CFAP61: variants seen among roughly 807,000 people sequenced by gnomAD.
CFAP61 encodes the protein cilia- and flagella-associated protein 61.
A neutral mutation model predicts 135.6 loss-of-function variants in CFAP61; 107 were observed. That is an observed-to-expected ratio of 0.79 (90% CI 0.67 to 0.93). CFAP61 has a LOEUF of 0.93. Ranked by LOEUF, CFAP61 falls within the 40% of genes least tolerant of loss-of-function variation. The pLI is 0.00. For synonymous variants in CFAP61, 575 were observed against 578.5 expected (o/e 0.99, Z 0.09); for missense variants, 1,507 against 1,556.2 (o/e 0.97, Z 0.53).
chr20:20,073,482 A>C (rs1406466667), intron 3 of CFAP61, among the ~76,000 whole-genome samples: 1 of 152,146 alleles, frequency 6.6e-6, no homozygotes, highest in African/African-American at 2.4e-5. Context: ...AAAAACAAGA[A>C]ACCTAGGCAG....
chr20:20,118,192 T>A (rs963457490), intron 8 of CFAP61, among the ~76,000 whole-genome samples: 5 of 152,156 alleles, frequency 3.3e-5, no homozygotes, highest in African/African-American at 1.2e-4. Context: ...GCAACTTTTT[T>A]TCATTTAGTA....
intron 25 of CFAP61, among the ~76,000 whole-genome samples, chr20:20,333,398 G>A (rs1345453943): frequency 3.3e-5 from 5 of 152,196 alleles, no homozygotes; most frequent in African/African-American, 4.8e-5. Context: ...AAGCTGACAA[G>A]TGGCAGAGCT....
chr20:20,344,778 A>G (rs570860942), intron 26 of CFAP61, among the ~76,000 whole-genome samples: 3 of 152,318 alleles, frequency 2.0e-5, no homozygotes, highest in South Asian at 2.1e-4. Flanking sequence ...GGAAATCAGT[A>G]TATCGAAGGG....
At chr20:20,216,662 C>T (rs2048059108) in intron 17 of CFAP61, among the ~76,000 whole-genome samples, 1 of 152,158 alleles carries the variant, frequency 6.6e-6, no homozygotes, top group African/African-American at 2.4e-5. Flanking sequence ...GTAACTACTT[C>T]AGATATTTTG....
Position 20,172,915 on chromosome 20 carries a change from C to A in CFAP61, c.1385+3455C>A, listed in dbSNP as rs1190686668. 3.9e-5 allele frequency among the ~76,000 whole-genome samples: 6 copies of A among 152,222 alleles called. No homozygotes were observed. In the East Asian group the frequency reaches 1.2e-3, roughly 29 times the overall value. The stretch of plus-strand genomic sequence containing the variant: ...TAGCACACAGAATAGTTTTACTCTG[C>A]TGAACATCCTCTGTGCTCTGTCTGT... On this transcript the variant is annotated intron_variant, in intron 13 of 26. Transcript: ENST00000245957.
At chr20:20,230,385 C>T (rs183157450) in intron 18 of CFAP61, among the ~76,000 whole-genome samples, 99 of 152,270 alleles carry the variant, frequency 6.5e-4, no homozygotes, top group African/African-American at 2.0e-3. Flanking sequence ...TAACCTACTG[C>T]GTATTTTACT....
intron 25 of CFAP61, among the ~76,000 whole-genome samples, chr20:20,299,514 C>G (rs2055905341): frequency 6.6e-6 from 1 of 152,180 alleles, no homozygotes; most frequent in Admixed American, 6.5e-5. Flanking sequence ...CCTCATTCAC[C>G]AAAATGGGCA....
intron 17 of CFAP61, chr20:20,214,411 CCCT>C (rs1235200721): frequency 6.6e-6 from 1 of 152,270 alleles, no homozygotes; most frequent in Non-Finnish European, 1.5e-5. Context: ...AATGGTCACC[CCCT>C]CCTCAGTCTG....
At chr20:20,060,683 ATGGCTC>A (rs2044731596) in intron 2 of CFAP61, among the ~76,000 whole-genome samples, 1 of 152,218 alleles carries the variant, frequency 6.6e-6, no homozygotes, top group Admixed American at 6.5e-5. Flanking sequence ...ACAAAGAATC[ATGGCTC>A]GCCTTATGCA....
intron 9 of CFAP61, among the ~76,000 whole-genome samples, chr20:20,144,065 T>C (rs1248051018): frequency 1.3e-5 from 2 of 152,158 alleles, no homozygotes; most frequent in Non-Finnish European, 2.9e-5. Context: ...CAGTCCTGCT[T>C]AACAAATCTT....
At chr20:20,290,507 C>T (rs932461229) in intron 24 of CFAP61, 116 bp downstream of exon 24, 2 of 700,846 alleles carry the variant, frequency 2.9e-6, no homozygotes, top group East Asian at 5.4e-5. Flanking sequence ...CATCAGAAGC[C>T]CACTGGAGTA....
At chr20:20,304,681 CT>C (rs1190768118) in intron 25 of CFAP61, among the ~76,000 whole-genome samples, 28 of 151,978 alleles carry the variant, frequency 1.8e-4, no homozygotes, top group Admixed American at 3.9e-4. Flanking sequence ...ACCTTCTGCC[CT>C]GCTGAAAATG....
At position 20,188,044 on chromosome 20, in the gene CFAP61, T is replaced by C; in HGVS notation, c.1500T>C (p.Ala500=). The C allele has an allele frequency of 6.2e-7, 1 of 1,614,188 alleles. No homozygotes were observed. Among genetic ancestry groups the C allele is most frequent in the Non-Finnish European group, 8.5e-7 (1 of 1,180,020 alleles). The part of the protein sequence containing the change: ...ILEDLDRYNK[A]RKDPDGTLLQ... ...AGGACTTAGACCGTTACAACAAGGC[T>C]CGCAAAGACCCTGTAAGTACCTGTT... Residue 500 remains alanine (A), a synonymous_variant, in exon 14 of 27, where the codon GCT becomes GCC. Transcript: ENST00000245957.
At chr20:20,271,544 G>GCTC (rs2053354850) in intron 21 of CFAP61, among the ~76,000 whole-genome samples, 1 of 152,138 alleles carries the variant, frequency 6.6e-6, no homozygotes, top group South Asian at 2.1e-4. Context: ...ATGACTTCGG[G>GCTC]CTCCTTCTTG....
At chr20:20,271,498 C>G (rs1260626073) in intron 21 of CFAP61, among the ~76,000 whole-genome samples, 1 of 152,218 alleles carries the variant, frequency 6.6e-6, no homozygotes, top group Admixed American at 6.5e-5. Context: ...CTTGCACATT[C>G]TGTTTCAAAG....
At chr20:20,235,916 C>T (rs992758977) in intron 18 of CFAP61, among the ~76,000 whole-genome samples, 1 of 152,152 alleles carries the variant, frequency 6.6e-6, no homozygotes, top group African/African-American at 2.4e-5. Context: ...GCAAAGCCAT[C>T]TATGCAGCAG....
chr20:20,327,936 C>G (rs562390971), intron 25 of CFAP61, among the ~76,000 whole-genome samples: 15 of 152,260 alleles, frequency 9.9e-5, no homozygotes, highest in African/African-American at 3.6e-4. Flanking sequence ...GATGTCAGCA[C>G]TCATCTGCCC....
At chr20:20,128,805 A>G (rs1433183278) in intron 8 of CFAP61, among the ~76,000 whole-genome samples, 1 of 151,712 alleles carries the variant, frequency 6.6e-6, no homozygotes, top group East Asian at 1.9e-4. Flanking sequence ...AGGCCTATGA[A>G]AAACACCTTA....
rs370567248 is a variant in CFAP61, at chr20:20,196,633, C to T, written c.1654C>T (p.Arg552Cys). Residue 552 changes from arginine (R) to cysteine (C), a missense_variant, in exon 16 of 27, where the codon CGC becomes TGC. Transcript: ENST00000245957. The stretch of plus-strand genomic sequence containing the variant: ...TTTCATCTACTTCAGTCACCACCAG[C>T]GCGAAGAACACGGGCACATGCATCA... ...EDFIYFSHHQ[R>C]EEHGHMHHFA... 7.2e-5 allele frequency: 117 copies of T among 1,614,018 alleles called. 1 individual carries two copies. The East Asian group carries it at 8.2e-4, about 11-fold the overall frequency.
Sources: gnomAD v4.1 joint callset for allele counts (sites outside exome capture counted in the v4.1 genomes callset) on GRCh38, gnomAD v4.1.1 for gene constraint, MANE v1.5 for transcripts, NCBI Gene and HGNC (gene_info 2026-07-23, HGNC 2026-07-21) for gene names.